CDC14A: variants seen among roughly 807,000 people sequenced by gnomAD.
CDC14A encodes the protein cell division cycle 14A.
A neutral mutation model predicts 74.4 loss-of-function variants in CDC14A; 53 were observed. That is an observed-to-expected ratio of 0.71 (90% CI 0.57 to 0.89). The LOEUF is 0.89. Among genes scored for constraint, CDC14A ranks in the 40% least tolerant of loss-of-function variants. CDC14A has a pLI of 0.00. For missense variants in CDC14A, 646 were observed against 713.7 expected (o/e 0.91, Z 1.08); for synonymous variants, 247 against 258.4 (o/e 0.96, Z 0.43).
intron 15 of CDC14A, 83 bp downstream of exon 15, chr1:100,499,345 C>T: frequency 6.2e-7 from 1 of 1,613,708 alleles, no homozygotes; most frequent in Non-Finnish European, 8.5e-7. Context: ...AGGCTGCCAC[C>T]AAAGAAATTT....
intron 10 of CDC14A, among the ~76,000 whole-genome samples, chr1:100,483,056 G>C (rs113576591): frequency 1.3e-5 from 2 of 152,036 alleles, no homozygotes; most frequent in Non-Finnish European, 2.9e-5. Flanking sequence ...GAACATTTGC[G>C]TGTATGTGTC....
intron 8 of CDC14A, among the ~76,000 whole-genome samples, chr1:100,455,880 AATG>A (rs1666632311): frequency 6.6e-6 from 1 of 152,358 alleles, no homozygotes; most frequent in South Asian, 2.1e-4. Context: ...CATGTTGAAT[AATG>A]ATGATGAAGA....
chr1:100,349,527 T>C (rs1252209597), upstream of CDC14A, among the ~76,000 whole-genome samples: 4 of 152,260 alleles, frequency 2.6e-5, no homozygotes, highest in South Asian at 8.3e-4. Flanking sequence ...AACCTTGGTA[T>C]GTATTATACG....
intron 4 of CDC14A, among the ~76,000 whole-genome samples, chr1:100,412,696 T>TTATATATATATATATATA (rs139550432): frequency 2.7e-5 from 2 of 74,138 alleles, no homozygotes; most frequent in African/African-American, 2.3e-4. Flanking sequence ...CCTGTATGTT[T>TTATATATATATATATATA]TATATATATA....
intron 4 of CDC14A, among the ~76,000 whole-genome samples, chr1:100,407,353 T>G (rs1429989458): frequency 2.0e-5 from 3 of 152,214 alleles, no homozygotes; most frequent in African/African-American, 7.2e-5. Flanking sequence ...TTTCTCTGTT[T>G]GTTTGTATCC....
upstream of CDC14A, among the ~76,000 whole-genome samples, chr1:100,351,047 A>G (rs1650921347): frequency 6.6e-6 from 1 of 152,148 alleles, no homozygotes. Flanking sequence ...TACAAAAATT[A>G]GCCGGGTGTG....
chr1:100,437,441 A>G (rs1172115468), intron 5 of CDC14A, among the ~76,000 whole-genome samples: 1 of 152,230 alleles, frequency 6.6e-6, no homozygotes, highest in Non-Finnish European at 1.5e-5. Flanking sequence ...CGCTATGCAT[A>G]TAAATTACCT....
At chr1:100,363,325 T>C (rs747690957) in intron 2 of CDC14A, 23 of 152,198 alleles carry the variant, frequency 1.5e-4, no homozygotes, top group Non-Finnish European at 3.4e-4. Context: ...CTGCTGTTTG[T>C]TAAAAGAGAA....
intron 4 of CDC14A, among the ~76,000 whole-genome samples, chr1:100,417,703 G>A (rs1257730034): frequency 6.6e-6 from 1 of 152,174 alleles, no homozygotes; most frequent in Admixed American, 6.5e-5. Flanking sequence ...CAACTGGGCT[G>A]AGAAAGTTCA....
chr1:100,430,663 T>A (rs1408667657), intron 5 of CDC14A, among the ~76,000 whole-genome samples: 5 of 152,214 alleles, frequency 3.3e-5, no homozygotes, highest in Non-Finnish European at 2.9e-5. Context: ...AGACGTTAGA[T>A]GTAATCATAA....
intron 9 of CDC14A, among the ~76,000 whole-genome samples, chr1:100,466,673 C>T (rs1337604276): frequency 6.6e-6 from 1 of 151,966 alleles, no homozygotes; most frequent in Non-Finnish European, 1.5e-5. Context: ...GACTTCGAGA[C>T]CAGACTGACC....
At chr1:100,487,678 C>G (rs1670183164) in intron 11 of CDC14A, among the ~76,000 whole-genome samples, 1 of 152,184 alleles carries the variant, frequency 6.6e-6, no homozygotes, top group Non-Finnish European at 1.5e-5. Context: ...TAGTGATGGA[C>G]TAAGTTGTGG....
chr1:100,470,720 A>G (rs1325390021), intron 10 of CDC14A, among the ~76,000 whole-genome samples: 1 of 152,188 alleles, frequency 6.6e-6, no homozygotes, highest in African/African-American at 2.4e-5. Flanking sequence ...ATTAGCCATC[A>G]GGGAAATAGA....
chr1:100,392,580 T>C (rs1478504722), intron 4 of CDC14A, among the ~76,000 whole-genome samples: 2 of 152,154 alleles, frequency 1.3e-5, no homozygotes, highest in Non-Finnish European at 2.9e-5. Flanking sequence ...ATGATGATGA[T>C]GGTAACGATG....
chr1:100,461,128 C>T (rs148047447), intron 8 of CDC14A, among the ~76,000 whole-genome samples: 33 of 152,268 alleles, frequency 2.2e-4, no homozygotes, highest in African/African-American at 7.0e-4. Context: ...GCTGGGGGGA[C>T]AAAAGGGACA....
intron 4 of CDC14A, among the ~76,000 whole-genome samples, chr1:100,422,441 T>G (rs926897300): frequency 2.6e-5 from 4 of 152,242 alleles, no homozygotes; most frequent in African/African-American, 9.6e-5. Flanking sequence ...TTTCAAATAC[T>G]GCGGCATCTT....
chr1:100,490,533 C>G lies in CDC14A; in HGVS notation c.1138-4285C>G, dbSNP rs144029356. ...TCTGGATCTTTCCTCCTTCTTCCCT[C>G]TCCCCAAGTCTGAACTCCCATGTGG... On this transcript the variant is annotated intron_variant, in intron 11 of 15. Coordinates refer to ENST00000336454, the MANE Select transcript of CDC14A (RefSeq NM_003672.4). 8.2e-4 allele frequency among the ~76,000 whole-genome samples: 125 copies of G among 152,236 alleles called. 4 individuals carry two copies. The highest frequency in any genetic ancestry group is 2.9e-3 in the African/African-American group (122 of 41,538).
At position 100,412,783 on chromosome 1, in the gene CDC14A, T is replaced by G. The variant is rs573924576; in HGVS notation, c.310-11439T>G. Among the ~76,000 whole-genome samples, 27 of 124,702 alleles carry G rather than the reference T, an allele frequency of 2.2e-4. No homozygotes were observed. In the East Asian group the frequency reaches 5.5e-3, roughly 25 times the overall value. 81.8% of individuals were successfully genotyped at this position (124,702 alleles called of 152,430 possible). A position where few individuals can be genotyped will look rare whatever the true frequency, so the allele number is the denominator to read the frequency against. On this transcript the variant is annotated intron_variant, in intron 4 of 15. Transcript: ENST00000336454. ...TATATATATATTATATATATATATATAGTATGTATGCAATGGATCTGTTGA... is the reference window on the plus strand; with the variant it reads ...TATATATATATTATATATATATATAGAGTATGTATGCAATGGATCTGTTGA...
At chr1:100,467,707 G>A (rs1415398927) in intron 9 of CDC14A, among the ~76,000 whole-genome samples, 1 of 152,092 alleles carries the variant, frequency 6.6e-6, no homozygotes, top group Non-Finnish European at 1.5e-5. Flanking sequence ...AGCCAGTAAT[G>A]CTGCTGCCAG....
Sources: allele counts gnomAD v4.1 joint callset (sites outside exome capture counted in the v4.1 genomes callset), GRCh38; gene constraint gnomAD v4.1.1; transcripts MANE v1.5; gene names NCBI Gene and HGNC (gene_info 2026-07-23, HGNC 2026-07-21).